Variants in RORB observed in about 807,000 individuals in gnomAD.
The protein encoded by RORB is nuclear receptor ROR-beta.
In RORB, 6 loss-of-function variants were observed where a neutral mutation model predicts 59.1. The ratio of observed to expected loss-of-function variants is 0.10; its 90% confidence interval spans 0.06 to 0.20. RORB has a LOEUF of 0.20. Among genes scored for constraint, RORB ranks in the 10% least tolerant of loss-of-function variants. The probability of loss-of-function intolerance (pLI) is 1.00; values close to 1 mark genes in which losing one functional copy is unlikely to be tolerated. For synonymous variants in RORB, 215 were observed against 204.5 expected (o/e 1.05, Z -0.44); for missense variants, 320 against 560.5 (o/e 0.57, Z 4.33).
intron 1 of RORB, among the ~76,000 whole-genome samples, chr9:74,586,982 C>T (rs1011601922): frequency 6.6e-6 from 1 of 152,112 alleles, no homozygotes; most frequent in African/African-American, 2.4e-5. Flanking sequence ...CTGTCCACTC[C>T]CTTGGTACAG....
chr9:74,641,045 T>C (rs948278363), intron 3 of RORB, among the ~76,000 whole-genome samples: 3 of 152,190 alleles, frequency 2.0e-5, no homozygotes, highest in Non-Finnish European at 4.4e-5. Context: ...ATTTCCTTCT[T>C]TCTCCATTCT....
Position 74,687,510 on chromosome 9 carries a change from T to C in RORB, c.*1892T>C, listed in dbSNP as rs1427541320. ...AACGGAACATTTTCTCACCTCATGA[T>C]TGATGAATTCTAAACCAATGGGGAA... On this transcript the variant is annotated 3_prime_UTR_variant, in exon 10 of 10. Transcript: ENST00000376896. 6.6e-6 allele frequency: 1 copy of C among 152,164 alleles called. No individual in the cohort carries two copies. The highest frequency in any genetic ancestry group is 2.4e-5 in the African/African-American group (1 of 41,448). The allele number at this position is 152,164 out of a possible 1,614,324, so 9.4% of individuals were successfully genotyped here. A position where few individuals can be genotyped will look rare whatever the true frequency, so the allele number is the denominator to read the frequency against.
chr9:74,622,980 T>C (rs1823449328), intron 1 of RORB, among the ~76,000 whole-genome samples: 1 of 152,076 alleles, frequency 6.6e-6, no homozygotes, highest in African/African-American at 2.4e-5. Flanking sequence ...TAAATATCCA[T>C]CATGACCATT....
chr9:74,666,566 T>C (rs1420752527), intron 7 of RORB, among the ~76,000 whole-genome samples: 1 of 152,136 alleles, frequency 6.6e-6, no homozygotes, highest in African/African-American at 2.4e-5. Flanking sequence ...CTTTTTTTTT[T>C]CAACTTTATT....
At chr9:74,559,330 C>A (rs1394443887) in intron 1 of RORB, among the ~76,000 whole-genome samples, 1 of 152,096 alleles carries the variant, frequency 6.6e-6, no homozygotes, top group Non-Finnish European at 1.5e-5. Flanking sequence ...CCTTGCCTCC[C>A]AAGCTCCAAG....
At chr9:74,606,425 G>T (rs560551180) in intron 1 of RORB, among the ~76,000 whole-genome samples, 53 of 152,216 alleles carry the variant, frequency 3.5e-4, no homozygotes, top group African/African-American at 1.2e-3. Flanking sequence ...TTCCACATTT[G>T]TTTCTCATTC....
chr9:74,667,369 G>A (rs568163112), intron 7 of RORB, among the ~76,000 whole-genome samples: 8 of 152,272 alleles, frequency 5.3e-5, no homozygotes, highest in Admixed American at 2.0e-4. Flanking sequence ...CAAGTGTTAC[G>A]AAGACTGACA....
intron 1 of RORB, among the ~76,000 whole-genome samples, chr9:74,565,266 C>A (rs1822451717): frequency 1.3e-5 from 2 of 152,178 alleles, no homozygotes; most frequent in Non-Finnish European, 2.9e-5. Flanking sequence ...CACTTATTCA[C>A]AAATTTATAC....
rs1351008574 is a variant in RORB at position 74,662,622 on chromosome 9, C to A, written c.892+16C>A. The A allele has an allele frequency of 1.2e-6, 2 of 1,611,778 alleles. No homozygotes were observed. Among genetic ancestry groups the A allele is most frequent in the Non-Finnish European group, 1.7e-6 (2 of 1,179,816 alleles). On this transcript the variant is annotated intron_variant, in intron 6 of 9. Transcript: ENST00000376896. ...CTGAAGTCAGGTAAGCAAGAAGATT[C>A]ATGGGAGGCCTATTTCAGATAAGGA...
At chr9:74,666,393 T>G (rs1824265130) in intron 7 of RORB, among the ~76,000 whole-genome samples, 1 of 151,810 alleles carries the variant, frequency 6.6e-6, no homozygotes, top group South Asian at 2.1e-4. Context: ...CCTGGGAGAT[T>G]GAGGCTACAG....
intron 1 of RORB, among the ~76,000 whole-genome samples, chr9:74,533,434 C>T (rs1347134070): frequency 6.6e-6 from 1 of 151,998 alleles, no homozygotes; most frequent in Non-Finnish European, 1.5e-5. Flanking sequence ...GCAGTGACAG[C>T]AACATCCCCA....
Position 74,691,618 on chromosome 9 carries a change from TAA to T in RORB, c.*6002_*6003del, listed in dbSNP as rs1824742112. On this transcript the variant is annotated 3_prime_UTR_variant, in exon 10 of 10. Coordinates refer to ENST00000376896, the MANE Select transcript of RORB (RefSeq NM_006914.4). ...TATGCTGTCTCTGTAATTTTTGCTG[TAA>T]ATAACTGGAGACGGTGAGTACACTG... 1 of 152,240 alleles carries T rather than the reference TAA, an allele frequency of 6.6e-6. No homozygotes were observed. Among genetic ancestry groups the T allele is most frequent in the African/African-American group, 2.4e-5 (1 of 41,462 alleles). 9.4% of individuals were successfully genotyped at this position (152,240 alleles called of 1,614,324 possible). A position where few individuals can be genotyped will look rare whatever the true frequency, so the allele number is the denominator to read the frequency against.
chr9:74,516,387 G>C (rs1018105227), intron 1 of RORB, among the ~76,000 whole-genome samples: 1 of 151,956 alleles, frequency 6.6e-6, no homozygotes, highest in East Asian at 1.9e-4. Flanking sequence ...TATAATATAT[G>C]TATAATTACC....
At chr9:74,631,988 G>A (rs546327305) in intron 2 of RORB, among the ~76,000 whole-genome samples, 4 of 152,050 alleles carry the variant, frequency 2.6e-5, no homozygotes, top group Non-Finnish European at 5.9e-5. Flanking sequence ...CCATTCTATT[G>A]GCTTGTTATG....
chr9:74,672,503 G>T (rs1341244069), intron 9 of RORB, among the ~76,000 whole-genome samples: 2 of 152,108 alleles, frequency 1.3e-5, no homozygotes, highest in Non-Finnish European at 2.9e-5. Flanking sequence ...TGCAAGACTT[G>T]CCCTGAGGTT....
intron 1 of RORB, among the ~76,000 whole-genome samples, chr9:74,503,324 CT>C (rs1279895136): frequency 2.0e-5 from 3 of 152,016 alleles, no homozygotes; most frequent in African/African-American, 4.8e-5. Context: ...TAATAGCAGT[CT>C]TTGGAGGCGT....
intron 1 of RORB, among the ~76,000 whole-genome samples, chr9:74,548,033 A>G (rs1345350801): frequency 6.6e-6 from 1 of 152,242 alleles, no homozygotes; most frequent in African/African-American, 2.4e-5. Context: ...TGAGTTTTCA[A>G]TATAGTTTTT....
chr9:74,645,362 AG>A (rs1438624318), intron 4 of RORB, among the ~76,000 whole-genome samples: 1 of 152,218 alleles, frequency 6.6e-6, no homozygotes, highest in African/African-American at 2.4e-5. Context: ...ATCACTGGGC[AG>A]GAAGGCATCT....
intron 1 of RORB, among the ~76,000 whole-genome samples, chr9:74,537,941 A>G (rs1013813565): frequency 1.3e-5 from 2 of 152,114 alleles, no homozygotes; most frequent in African/African-American, 4.8e-5. Context: ...TCATTCACTC[A>G]GCTCTCACTC....
Sources: gnomAD v4.1 joint callset for allele counts (sites outside exome capture counted in the v4.1 genomes callset) on GRCh38, gnomAD v4.1.1 for gene constraint, MANE v1.5 for transcripts, NCBI Gene and HGNC (gene_info 2026-07-23, HGNC 2026-07-21) for gene names.